Variants in WWOX observed in about 807,000 individuals in gnomAD.
The protein encoded by WWOX is WW domain-containing oxidoreductase.
WWOX carries 69 observed loss-of-function variants against 46.2 expected under a neutral mutation model. That is an observed-to-expected ratio of 1.49 (90% CI 1.23 to 1.82). The LOEUF (loss-of-function observed/expected upper bound fraction) is 1.82, where lower values mean the gene tolerates loss of function less well. Among genes scored for constraint, WWOX ranks in the 40% most tolerant of loss-of-function variants. WWOX has a pLI of 0.00. For missense variants in WWOX, 919 were observed against 542.6 expected (o/e 1.69, Z -6.89); for synonymous variants, 359 against 202.6 (o/e 1.77, Z -6.56).
chr16:79,167,890 C>T (rs1410097910), intron 8 of WWOX, among the ~76,000 whole-genome samples: 9 of 152,164 alleles, frequency 5.9e-5, no homozygotes, highest in Admixed American at 2.6e-4. Flanking sequence ...ATAAAGTCAT[C>T]ACTGCCCCAT....
rs369969448 is a variant in WWOX, at chr16:79,026,720, C to G, written c.1057-184888C>G. Among the ~76,000 whole-genome samples, 1,100 of 149,406 alleles carry G rather than the reference C, an allele frequency of 7.4e-3. 46 individuals are homozygous for G. The highest frequency in any genetic ancestry group is 0.026 in the African/African-American group (1,047 of 39,874). ...GCAACCTCCGCCTCCCGGGTTCACACCATTTTCCTGCCTCAGCGTCCCAAG... is the reference window on the plus strand; with the variant it reads ...GCAACCTCCGCCTCCCGGGTTCACAGCATTTTCCTGCCTCAGCGTCCCAAG... On this transcript the variant is annotated intron_variant, in intron 8 of 8. Coordinates refer to ENST00000566780, the MANE Select transcript of WWOX (RefSeq NM_016373.4).
At chr16:78,505,673 C>T (rs1180345363) in intron 8 of WWOX, among the ~76,000 whole-genome samples, 5 of 151,942 alleles carry the variant, frequency 3.3e-5, no homozygotes, top group South Asian at 2.1e-4. Context: ...CTAGCAACAC[C>T]CTCATTCCCA....
At chr16:78,239,852 A>T (rs1486492891) in intron 5 of WWOX, among the ~76,000 whole-genome samples, 1 of 152,020 alleles carries the variant, frequency 6.6e-6, no homozygotes, top group Non-Finnish European at 1.5e-5. Flanking sequence ...CTAGTTTTTG[A>T]AGCTCACTTT....
intron 8 of WWOX, among the ~76,000 whole-genome samples, chr16:79,153,841 G>C (rs1466282917): frequency 1.3e-5 from 2 of 152,086 alleles, no homozygotes; most frequent in African/African-American, 4.8e-5. Flanking sequence ...ATAAGAACAG[G>C]TTGTAACCTA....
At chr16:79,136,523 C>G (rs541416266) in intron 8 of WWOX, among the ~76,000 whole-genome samples, 1 of 152,120 alleles carries the variant, frequency 6.6e-6, no homozygotes, top group African/African-American at 2.4e-5. Flanking sequence ...GCTACCATGC[C>G]TGGCCCTGAT....
rs33981779 is a variant in WWOX at position 78,817,172 on chromosome 16, CTTTTTTTTTTTTTT to C, written c.1056+384434_1056+384447del. On this transcript the variant is annotated intron_variant, in intron 8 of 8. Transcript: ENST00000566780. ...GTTTTTCTTAAACATTAGTGCTATT[CTTTTTTTTTTTTTT>C]TTTTTTTTTTTTTCCTTCTTCAACC... is the stretch of plus-strand genomic sequence containing the variant. 1.2e-4 allele frequency among the ~76,000 whole-genome samples: 6 copies of C among 51,582 alleles called. 1 individual carries two copies. Among genetic ancestry groups the C allele is most frequent in the South Asian group, 1.1e-3 (1 of 952 alleles). The allele number at this position is 51,582 out of a possible 152,430, so 33.8% of individuals were successfully genotyped here.
intron 8 of WWOX, among the ~76,000 whole-genome samples, chr16:78,778,968 A>T (rs10514445): frequency 0.027 from 4,181 of 152,234 alleles, 197 homozygotes; most frequent in African/African-American, 0.096. Context: ...GATTCACTCC[A>T]AATGCTGCTT....
chr16:78,234,079 A>G (rs576742959), intron 5 of WWOX, among the ~76,000 whole-genome samples: 46 of 151,564 alleles, frequency 3.0e-4, no homozygotes, highest in Non-Finnish European at 5.7e-4. Flanking sequence ...AAGGGAACTT[A>G]TTGATTTTAG....
At chr16:78,598,270 T>C (rs987616080) in intron 8 of WWOX, among the ~76,000 whole-genome samples, 1 of 152,126 alleles carries the variant, frequency 6.6e-6, no homozygotes, top group Non-Finnish European at 1.5e-5. Context: ...TAAAACCACA[T>C]TGTGCTGTTA....
At chr16:78,531,388 T>TTG (rs1480559415) in intron 8 of WWOX, among the ~76,000 whole-genome samples, 1 of 152,212 alleles carries the variant, frequency 6.6e-6, no homozygotes, top group African/African-American at 2.4e-5. Flanking sequence ...GTTGGTTGAA[T>TTG]TGTGCACCCT....
At chr16:78,817,986 A>G (rs374241709) in intron 8 of WWOX, among the ~76,000 whole-genome samples, 1 of 152,190 alleles carries the variant, frequency 6.6e-6, no homozygotes, top group East Asian at 1.9e-4. Flanking sequence ...AAGGGAAGAA[A>G]ACGAAGATGG....
intron 8 of WWOX, among the ~76,000 whole-genome samples, chr16:79,208,155 C>G (rs546093399): frequency 6.6e-6 from 1 of 152,200 alleles, no homozygotes; most frequent in African/African-American, 2.4e-5. Flanking sequence ...CATATACTCT[C>G]AAGATTGATT....
intron 4 of WWOX, among the ~76,000 whole-genome samples, chr16:78,141,374 C>G (rs1006848232): frequency 6.6e-6 from 1 of 150,778 alleles, no homozygotes. Flanking sequence ...TTTCACAGGT[C>G]TCTGCTTAAA....
intron 8 of WWOX, among the ~76,000 whole-genome samples, chr16:78,807,171 T>C (rs2051063056): frequency 6.6e-6 from 1 of 152,242 alleles, no homozygotes; most frequent in Non-Finnish European, 1.5e-5. Flanking sequence ...TTAGGTTTCT[T>C]GTGTCCTAAT....
At chr16:78,598,291 A>T (rs546354475) in intron 8 of WWOX, among the ~76,000 whole-genome samples, 4 of 152,182 alleles carry the variant, frequency 2.6e-5, no homozygotes, top group Non-Finnish European at 5.9e-5. Context: ...GGTTTAATAA[A>T]CGGATTGTGT....
chr16:78,679,055 A>G (rs1354650935), intron 8 of WWOX, among the ~76,000 whole-genome samples: 2 of 152,204 alleles, frequency 1.3e-5, no homozygotes, highest in Non-Finnish European at 2.9e-5. Context: ...GCCTGTTTCT[A>G]GAATCTCAAG....
chr16:78,822,471 G>T (rs1405617856), intron 8 of WWOX, among the ~76,000 whole-genome samples: 1 of 85,638 alleles, frequency 1.2e-5, no homozygotes, highest in East Asian at 3.1e-4. Context: ...TCCAGCCTGA[G>T]AGACAGAGCC....
chr16:78,219,036 G>C (rs2036809302), intron 5 of WWOX, among the ~76,000 whole-genome samples: 1 of 152,308 alleles, frequency 6.6e-6, no homozygotes, highest in Admixed American at 6.5e-5. Flanking sequence ...CTAAAGTCAT[G>C]TGCAATTTAA....
At chr16:78,250,927 G>T (rs1351589071) in intron 5 of WWOX, among the ~76,000 whole-genome samples, 1 of 152,168 alleles carries the variant, frequency 6.6e-6, no homozygotes, top group East Asian at 1.9e-4. Context: ...TGTTTGGCCT[G>T]TGTTCCACGG....
Sources: gnomAD v4.1 joint callset for allele counts (sites outside exome capture counted in the v4.1 genomes callset) on GRCh38, gnomAD v4.1.1 for gene constraint, MANE v1.5 for transcripts, NCBI Gene and HGNC (gene_info 2026-07-23, HGNC 2026-07-21) for gene names.